The following MYCBP2 variants were observed in gnomAD, a reference collection of about 807,000 sequenced individuals.
MYCBP2 encodes the protein MYC binding protein 2.
MYCBP2 carries 120 observed loss-of-function variants against 525.3 expected under a neutral mutation model. The observed-to-expected ratio is 0.23, with a 90% CI of 0.20 to 0.27. The LOEUF is 0.27. Among genes scored for constraint, MYCBP2 ranks in the 10% least tolerant of loss-of-function variants. The pLI is 1.00. For missense variants in MYCBP2, 4,149 were observed against 5,657.1 expected (o/e 0.73, Z 8.55); for synonymous variants, 1,894 against 1,955.8 (o/e 0.97, Z 0.83).
intron 54 of MYCBP2, among the ~76,000 whole-genome samples, chr13:77,123,020 A>G (rs1232594106): frequency 6.6e-6 from 1 of 152,224 alleles, no homozygotes; most frequent in East Asian, 1.9e-4. Context: ...GTCTGTTTTT[A>G]CCACAGCAGT....
At chr13:77,270,668 C>T in intron 5 of MYCBP2, 130 bp from the exon 6 acceptor site, 4 of 942,886 alleles carry the variant, frequency 4.2e-6, no homozygotes, top group Non-Finnish European at 6.1e-6. Flanking sequence ...CGCATGCCAG[C>T]AAAAAGTACC....
chr13:77,134,987 A>T (rs1312542290), intron 52 of MYCBP2, among the ~76,000 whole-genome samples: 2 of 152,204 alleles, frequency 1.3e-5, no homozygotes, highest in African/African-American at 4.8e-5. Flanking sequence ...TCTTATTTTT[A>T]AAAATAATTC....
At chr13:77,290,778 C>T (rs1048453948) in intron 2 of MYCBP2, among the ~76,000 whole-genome samples, 3 of 151,994 alleles carry the variant, frequency 2.0e-5, no homozygotes, top group Non-Finnish European at 4.4e-5. Context: ...TGCTGTATAT[C>T]CAGACTGTGG....
At chr13:77,064,586 A>T in intron 73 of MYCBP2, 29 bp downstream of exon 73, 1 of 1,567,132 alleles carries the variant, frequency 6.4e-7, no homozygotes, top group East Asian at 2.4e-5. Flanking sequence ...CACCAAATTT[A>T]AAACAAAACA....
chr13:77,148,394 T>C (rs2055953903), intron 47 of MYCBP2, among the ~76,000 whole-genome samples: 1 of 152,056 alleles, frequency 6.6e-6, no homozygotes, highest in Non-Finnish European at 1.5e-5. Flanking sequence ...CACAGACCTG[T>C]GACATTACTC....
chr13:77,051,048 AATC>A lies in MYCBP2; in HGVS notation c.13867_13869del (p.Asp4623del). 1 of 1,613,580 alleles carries A rather than the reference AATC, an allele frequency of 6.2e-7. No individual in the cohort carries two copies. The highest frequency in any genetic ancestry group is 8.5e-7 in the Non-Finnish European group (1 of 1,179,776). ...TTAGGAATGCTAGTCATTCTTTGAA[AATC>A]ATCATGACAAGCATTACAAAAATGT... On this transcript the variant is annotated inframe_deletion, in exon 82 of 83. Transcript: ENST00000544440.
intron 62 of MYCBP2, among the ~76,000 whole-genome samples, chr13:77,083,841 C>CTGT (rs1363176192): frequency 6.6e-6 from 1 of 152,108 alleles, no homozygotes; most frequent in Non-Finnish European, 1.5e-5. Flanking sequence ...CTCCCTGTCT[C>CTGT]TACAGCCCAG....
At chr13:77,314,129 C>T (rs192543293) in intron 1 of MYCBP2, among the ~76,000 whole-genome samples, 1 of 152,306 alleles carries the variant, frequency 6.6e-6, no homozygotes, top group African/African-American at 2.4e-5. Flanking sequence ...ACTCTTAGCA[C>T]GTGATCCCAC....
chr13:77,285,899 C>CAAAGG (rs2076703248), intron 3 of MYCBP2, among the ~76,000 whole-genome samples: 1 of 83,016 alleles, frequency 1.2e-5, no homozygotes, highest in African/African-American at 6.0e-5. Flanking sequence ...GAAAGGAAAG[C>CAAAGG]AAAGGAAAGC....
At chr13:77,096,550 ATACAT>A in intron 56 of MYCBP2, 69 bp from the exon 57 acceptor site, 1 of 1,497,860 alleles carries the variant, frequency 6.7e-7, no homozygotes, top group Non-Finnish European at 9.1e-7. Context: ...CTTATTACTC[ATACAT>A]TAATGACAGA....
At chr13:77,207,065 A>G (rs938195416) in intron 23 of MYCBP2, among the ~76,000 whole-genome samples, 2 of 152,214 alleles carry the variant, frequency 1.3e-5, no homozygotes, top group African/African-American at 4.8e-5. Context: ...AGTAATGTAG[A>G]TTATAATACT....
intron 46 of MYCBP2, among the ~76,000 whole-genome samples, chr13:77,154,943 C>A (rs2057029037): frequency 6.6e-6 from 1 of 151,882 alleles, no homozygotes; most frequent in Admixed American, 6.6e-5. Flanking sequence ...CAGAGTATAG[C>A]ATATTATGTA....
In MYCBP2 at chr13:77,326,433, G is replaced by A; in HGVS notation, c.302+41C>T. 6.7e-7 allele frequency: 1 copy of A among 1,501,010 alleles called. No homozygotes were observed. Among genetic ancestry groups the A allele is most frequent in the Non-Finnish European group, 8.8e-7 (1 of 1,130,404 alleles). 93.0% of individuals were successfully genotyped at this position (1,501,010 alleles called of 1,614,324 possible). A position where few individuals can be genotyped will look rare whatever the true frequency, so the allele number is the denominator to read the frequency against. ...CACGCGCGGCATGGGGCGCAAGGAAGGGCGGCATGGGGCGCAAGGAAGGGC... is the reference window on the plus strand; with the variant it reads ...CACGCGCGGCATGGGGCGCAAGGAAAGGCGGCATGGGGCGCAAGGAAGGGC... On this transcript the variant is annotated intron_variant, in intron 1 of 82. Coordinates refer to ENST00000544440, the MANE Select transcript of MYCBP2 (RefSeq NM_015057.5). The surrounding 1 kb of genome is among the most constrained non-coding windows in gnomAD (Gnocchi z 4.2).
Position 77,294,125 on chromosome 13 carries a change from TATATAC to T in MYCBP2, c.378+2468_378+2473del, listed in dbSNP as rs1271229121. On this transcript the variant is annotated intron_variant, in intron 2 of 82. Transcript: ENST00000544440. ...ATGGCTATATATATATATATATATA[TATATAC>T]ATATATATATACATATATATAAAAT... Among the ~76,000 whole-genome samples the T allele has an allele frequency of 5.2e-3, 348 of 67,420 alleles. 9 individuals are homozygous for T. The highest frequency in any genetic ancestry group is 0.011 in the African/African-American group (277 of 25,018). The allele number at this position is 67,420 out of a possible 152,430, so 44.2% of individuals were successfully genotyped here. A position where few individuals can be genotyped will look rare whatever the true frequency, so the allele number is the denominator to read the frequency against.
intron 26 of MYCBP2, among the ~76,000 whole-genome samples, chr13:77,194,949 GA>G (rs1208855016): frequency 2.6e-5 from 4 of 151,226 alleles, no homozygotes; most frequent in African/African-American, 9.7e-5. Context: ...AAACAGAAAA[GA>G]TATCCAATAC....
intron 4 of MYCBP2, among the ~76,000 whole-genome samples, chr13:77,274,841 T>C (rs73223435): frequency 0.02 from 3,073 of 152,272 alleles, 57 homozygotes; most frequent in Middle Eastern, 0.075. Context: ...CCTTTGTTAA[T>C]TTCTTCCTCC....
intron 55 of MYCBP2, among the ~76,000 whole-genome samples, chr13:77,120,634 A>T (rs985159056): frequency 1.3e-5 from 2 of 152,162 alleles, no homozygotes; most frequent in Admixed American, 6.6e-5. Context: ...ATTTTGAAGG[A>T]GTCTAGATCA....
chr13:77,121,564 G>T (rs1236735635), intron 54 of MYCBP2, 69 bp from the exon 55 acceptor site: 3 of 1,361,594 alleles, frequency 2.2e-6, no homozygotes, highest in African/African-American at 1.5e-5. Flanking sequence ...AACAAAGAGA[G>T]AAAATTGCAA....
At chr13:77,185,008 CAAGTT>C (rs2060591516) in intron 32 of MYCBP2, 90 bp downstream of exon 32, 1 of 1,151,388 alleles carries the variant, frequency 8.7e-7, no homozygotes, top group Non-Finnish European at 1.2e-6. Flanking sequence ...ATCTTTTATA[CAAGTT>C]AAGAAGATAT....
Sources: allele counts gnomAD v4.1 joint callset (sites outside exome capture counted in the v4.1 genomes callset), GRCh38; gene constraint gnomAD v4.1.1; non-coding constraint Gnocchi (gnomAD v3.1); transcripts MANE v1.5; gene names NCBI Gene and HGNC (gene_info 2026-07-23, HGNC 2026-07-21).